FAF1: variants seen among roughly 807,000 people sequenced by gnomAD.
The protein encoded by FAF1 is Fas associated factor 1.
Under a neutral mutation model 92.5 loss-of-function variants are expected in FAF1, and 25 were observed. That is an observed-to-expected ratio of 0.27 (90% confidence interval 0.20 to 0.38). The LOEUF (loss-of-function observed/expected upper bound fraction) is 0.38, where lower values mean the gene tolerates loss of function less well. Among genes scored for constraint, FAF1 ranks in the 10% least tolerant of loss-of-function variants. The pLI, the probability that FAF1 is intolerant of heterozygous loss-of-function variation, is 1.00. For missense variants in FAF1, 636 were observed against 793.3 expected (o/e 0.80, Z 2.38); for synonymous variants, 234 against 273.2 (o/e 0.86, Z 1.42).
chr1:50,550,080 C>T (rs1247878306), intron 13 of FAF1, among the ~76,000 whole-genome samples: 2 of 151,636 alleles, frequency 1.3e-5, no homozygotes, highest in Admixed American at 6.6e-5. Context: ...GGCTGGGCAC[C>T]GTAGCTCACG....
chr1:50,650,304 AAG>A (rs1235621398), intron 8 of FAF1, among the ~76,000 whole-genome samples: 2 of 150,298 alleles, frequency 1.3e-5, no homozygotes, highest in Non-Finnish European at 3.0e-5. Context: ...AAAAAAAAAA[AAG>A]TAATAAAACT....
intron 2 of FAF1, among the ~76,000 whole-genome samples, chr1:50,809,737 TAAGA>T (rs1394653461): frequency 2.0e-5 from 3 of 152,172 alleles, no homozygotes; most frequent in African/African-American, 7.2e-5. Flanking sequence ...TCCAAATATT[TAAGA>T]AAGAAAGACT....
At position 50,441,271 on chromosome 1, in the gene FAF1, A is replaced by C; in HGVS notation, c.*169T>G. The C allele has an allele frequency of 1.9e-6, 1 of 521,262 alleles. No homozygotes were observed. Among genetic ancestry groups the C allele is most frequent in the Non-Finnish European group, 3.4e-6 (1 of 290,314 alleles). The allele number at this position is 521,262 out of a possible 1,614,324, so 32.3% of individuals were successfully genotyped here. Reference sequence around the variant, plus strand: ...GGGAATATATACTCATGGATGGGAAATCTTAAGTAGCTATATTTATTATTA... The same window carrying C: ...GGGAATATATACTCATGGATGGGAACTCTTAAGTAGCTATATTTATTATTA... On this transcript the variant is annotated 3_prime_UTR_variant, in exon 19 of 19. Transcript: ENST00000396153.
intron 1 of FAF1, among the ~76,000 whole-genome samples, chr1:50,915,370 CAAAA>C (rs1157402147): frequency 1.4e-5 from 1 of 71,684 alleles, no homozygotes; most frequent in Non-Finnish European, 2.9e-5. Flanking sequence ...AACTCCATCT[CAAAA>C]AAAAAAAAAA....
Position 50,618,552 on chromosome 1 carries a change from C to T in FAF1, c.745-22336G>A, listed in dbSNP as rs574373932. Reference sequence around the variant, plus strand: ...TGCTGGTATTACAGGCATGAGCCACCGCGCCCGGCCACCTAAATCTTTTTT... The same window carrying T: ...TGCTGGTATTACAGGCATGAGCCACTGCGCCCGGCCACCTAAATCTTTTTT... On this transcript the variant is annotated intron_variant, in intron 8 of 18. Coordinates refer to ENST00000396153, the MANE Select transcript of FAF1 (RefSeq NM_007051.3). 1.4e-4 allele frequency among the ~76,000 whole-genome samples: 21 copies of T among 151,466 alleles called. No homozygotes were observed. In the South Asian group the frequency reaches 2.9e-3, roughly 21 times the overall value.
At chr1:50,464,074 A>G (rs1646464742) in intron 18 of FAF1, among the ~76,000 whole-genome samples, 1 of 152,116 alleles carries the variant, frequency 6.6e-6, no homozygotes, top group Non-Finnish European at 1.5e-5. Flanking sequence ...ATTCTTTCCC[A>G]GCACAAGGTC....
At chr1:50,908,294 A>G (rs1300553973) in intron 1 of FAF1, among the ~76,000 whole-genome samples, 2 of 152,174 alleles carry the variant, frequency 1.3e-5, no homozygotes, top group Non-Finnish European at 2.9e-5. Flanking sequence ...ACTTCCAACT[A>G]TGTGGTCAAT....
intron 4 of FAF1, chr1:50,780,589 T>G (rs753566344): frequency 5.1e-6 from 1 of 197,080 alleles, no homozygotes; most frequent in African/African-American, 2.4e-5. Flanking sequence ...GTAGCAAAAA[T>G]TTACAGAATG....
chr1:50,497,064 A>C (rs1646907613), intron 15 of FAF1, among the ~76,000 whole-genome samples: 1 of 152,112 alleles, frequency 6.6e-6, no homozygotes, highest in African/African-American at 2.4e-5. Context: ...GAATCTTAAC[A>C]AACATTAAGC....
intron 8 of FAF1, among the ~76,000 whole-genome samples, chr1:50,628,658 T>C (rs1653620062): frequency 6.6e-6 from 1 of 152,168 alleles, no homozygotes; most frequent in Non-Finnish European, 1.5e-5. Flanking sequence ...CCAATGCAAC[T>C]AAAAGAATTG....
intron 6 of FAF1, among the ~76,000 whole-genome samples, chr1:50,723,246 C>CA (rs1433835213): frequency 1.3e-5 from 2 of 151,584 alleles, no homozygotes; most frequent in African/African-American, 4.8e-5. Context: ...ACTACAAATA[C>CA]AAAAATGAGC....
chr1:50,889,363 C>G (rs1644699598), intron 1 of FAF1, among the ~76,000 whole-genome samples: 2 of 152,100 alleles, frequency 1.3e-5, no homozygotes, highest in Admixed American at 6.5e-5. Flanking sequence ...TCTCTATCTC[C>G]TTCAGTTCTG....
chr1:50,472,414 CACACACACAA>C (rs1329032189), intron 18 of FAF1, among the ~76,000 whole-genome samples: 54 of 147,750 alleles, frequency 3.7e-4, no homozygotes, highest in Non-Finnish European at 5.0e-4. Flanking sequence ...CACACACACA[CACACACACAA>C]ACCCCAAAAC....
rs1406683771 is a variant in FAF1 at position 50,650,945 on chromosome 1, G to A, written c.744+4497C>T. On this transcript the variant is annotated intron_variant, in intron 8 of 18. Coordinates refer to ENST00000396153, the MANE Select transcript of FAF1 (RefSeq NM_007051.3). ...AGAGTACAAAAGGAACGGAGTTACT[G>A]ACAATTCATACAGTATCCCACACCC... Among the ~76,000 whole-genome samples, 23 of 152,144 alleles carry A rather than the reference G, an allele frequency of 1.5e-4. 1 individual carries two copies.
At chr1:50,922,205 T>C (rs1644968892) in intron 1 of FAF1, among the ~76,000 whole-genome samples, 1 of 150,494 alleles carries the variant, frequency 6.6e-6, no homozygotes. Flanking sequence ...ACACCTGTAA[T>C]CCCCACACTT....
intron 6 of FAF1, among the ~76,000 whole-genome samples, chr1:50,731,315 G>T (rs1188911192): frequency 2.0e-5 from 3 of 151,820 alleles, no homozygotes; most frequent in African/African-American, 7.3e-5. Context: ...TGAGGTACTA[G>T]AAGTCCAATT....
At chr1:50,751,164 A>G (rs543941290) in intron 4 of FAF1, among the ~76,000 whole-genome samples, 57 of 149,758 alleles carry the variant, frequency 3.8e-4, no homozygotes, top group African/African-American at 1.3e-3. Flanking sequence ...AAAAAAAAAG[A>G]GCTAAACTTA....
chr1:50,647,755 G>A (rs908192246), intron 8 of FAF1, among the ~76,000 whole-genome samples: 10 of 152,118 alleles, frequency 6.6e-5, no homozygotes, highest in Non-Finnish European at 1.5e-4. Flanking sequence ...TTGTTCGACA[G>A]TTACGGAGAC....
chr1:50,864,553 G>A (rs1316771354), intron 1 of FAF1, among the ~76,000 whole-genome samples: 1 of 151,848 alleles, frequency 6.6e-6, no homozygotes, highest in Non-Finnish European at 1.5e-5. Flanking sequence ...ACAACTATCT[G>A]ATCTTTGACA....
Sources: allele counts gnomAD v4.1 joint callset (sites outside exome capture counted in the v4.1 genomes callset), GRCh38; gene constraint gnomAD v4.1.1; transcripts MANE v1.5; gene names NCBI Gene and HGNC (gene_info 2026-07-23, HGNC 2026-07-21).